STK24: variants seen among roughly 807,000 people sequenced by gnomAD.
The protein encoded by STK24 is serine/threonine-protein kinase 24.
Under a neutral mutation model 55.6 loss-of-function variants are expected in STK24, and 21 were observed. That is an observed-to-expected ratio of 0.38 (90% CI 0.27 to 0.54). The LOEUF is 0.54. STK24 is among the 20% of genes least tolerant of loss of function. STK24 has a pLI of 0.79. For missense variants in STK24, 383 were observed against 538.4 expected, an observed-to-expected ratio of 0.71 and a Z score of 2.86; for synonymous variants, 200 against 215.2, an observed-to-expected ratio of 0.93 and a Z score of 0.62.
At chr13:98,511,385 A>G (rs1895871939) in intron 2 of STK24, among the ~76,000 whole-genome samples, 1 of 152,270 alleles carries the variant, frequency 6.6e-6, no homozygotes, top group Non-Finnish European at 1.5e-5. Flanking sequence ...ATGCAAAATT[A>G]TACAGGCACT....
chr13:98,464,336 G>A (rs1201619841), intron 6 of STK24, among the ~76,000 whole-genome samples: 2 of 151,488 alleles, frequency 1.3e-5, no homozygotes, highest in African/African-American at 2.4e-5. Flanking sequence ...GGAGAATGGC[G>A]TGAACCCAGG....
At position 98,453,095 on chromosome 13, in the gene STK24, G is replaced by C; in HGVS notation, c.*78C>G. 1 of 1,557,974 alleles carries C rather than the reference G, an allele frequency of 6.4e-7. No individual in the cohort carries two copies. The highest frequency in any genetic ancestry group is 8.8e-7 in the Non-Finnish European group (1 of 1,135,786). On this transcript the variant is annotated 3_prime_UTR_variant, in exon 11 of 11. Transcript: ENST00000539966. ...CACCTCTTCGGTGGAGTCAGCGAAGGCTCTCGTTGACTTTTAAAAAAGGAG... is the reference window on the plus strand; with the variant it reads ...CACCTCTTCGGTGGAGTCAGCGAAGCCTCTCGTTGACTTTTAAAAAAGGAG...
At chr13:98,462,124 G>A (rs572188698) in intron 7 of STK24, among the ~76,000 whole-genome samples, 45 of 152,086 alleles carry the variant, frequency 3.0e-4, no homozygotes, top group African/African-American at 1.0e-3. Flanking sequence ...ACTCCCTGGC[G>A]TGCCAGTGTG....
intron 2 of STK24, among the ~76,000 whole-genome samples, chr13:98,485,948 GACAGCAGCTTTCCCCTCCTTCCC>G (rs1894789034): frequency 6.6e-6 from 1 of 152,136 alleles, no homozygotes. Context: ...CAGCCACTAA[GACAGCAGCTTTCCCCTCCTTCCC>G]ACAGAAATGG....
At chr13:98,532,764 G>A (rs1896615391) in intron 1 of STK24, among the ~76,000 whole-genome samples, 1 of 152,144 alleles carries the variant, frequency 6.6e-6, no homozygotes, top group African/African-American at 2.4e-5. Flanking sequence ...ACAGTAACAT[G>A]CTTTTCTACA....
At chr13:98,574,094 C>T (rs1289826322) in intron 1 of STK24, among the ~76,000 whole-genome samples, 1 of 152,176 alleles carries the variant, frequency 6.6e-6, no homozygotes, top group African/African-American at 2.4e-5. Flanking sequence ...TCAACGCAAC[C>T]TCCGCCTCCC....
intron 1 of STK24, among the ~76,000 whole-genome samples, chr13:98,522,982 C>T (rs558557566): frequency 2.6e-4 from 39 of 152,262 alleles, no homozygotes; most frequent in African/African-American, 8.9e-4. Context: ...CTGTCATTCC[C>T]GGGAGCAGTG....
chr13:98,559,617 A>T (rs1897365676), intron 1 of STK24, among the ~76,000 whole-genome samples: 1 of 152,194 alleles, frequency 6.6e-6, no homozygotes, highest in Non-Finnish European at 1.5e-5. Flanking sequence ...ACACTTACGT[A>T]CCATTTTTCG....
At chr13:98,562,210 A>G (rs1369451732) in intron 1 of STK24, among the ~76,000 whole-genome samples, 1 of 152,210 alleles carries the variant, frequency 6.6e-6, no homozygotes, top group Non-Finnish European at 1.5e-5. Context: ...GAAGAACTAC[A>G]TACTCAAGTA....
chr13:98,543,076 G>A (rs1342338373), intron 1 of STK24: 2 of 963,162 alleles, frequency 2.1e-6, no homozygotes, highest in Non-Finnish European at 2.5e-6. Context: ...CAAGGGAGGG[G>A]GGAGAGGCCG....
rs1255862413 is a variant in STK24 at position 98,452,875 on chromosome 13, GTTTTTA to G, written c.*292_*297del. 3.2e-6 allele frequency: 1 copy of G among 317,062 alleles called. No individual in the cohort carries two copies. The highest frequency in any genetic ancestry group is 2.2e-5 in the African/African-American group (1 of 46,480). 19.6% of individuals were successfully genotyped at this position (317,062 alleles called of 1,614,324 possible). A position where few individuals can be genotyped will look rare whatever the true frequency, so the allele number is the denominator to read the frequency against. Reference sequence around the variant, plus strand: ...AATATACATTTCAGGGTTTGTTTTTGTTTTTAAAGACACTTTCCTGGAATATGTGCA... The same window carrying G: ...AATATACATTTCAGGGTTTGTTTTTGAAGACACTTTCCTGGAATATGTGCA... On this transcript the variant is annotated 3_prime_UTR_variant, in exon 11 of 11. Coordinates refer to ENST00000539966, the MANE Select transcript of STK24 (RefSeq NM_001032296.4).
chr13:98,460,341 C>T, intron 9 of STK24, 31 bp downstream of exon 9: 1 of 1,596,220 alleles, frequency 6.3e-7, no homozygotes, highest in Non-Finnish European at 8.6e-7. Flanking sequence ...CCCCTCCCCT[C>T]CCACTCCGAA....
Position 98,576,809 on chromosome 13 carries a change from T to C in STK24, c.-23A>G, listed in dbSNP as rs1375964998. 9 of 1,332,298 alleles carry C rather than the reference T, an allele frequency of 6.8e-6. No individual in the cohort carries two copies. The highest frequency in any genetic ancestry group is 1.6e-5 in the African/African-American group (1 of 64,070). 82.5% of individuals were successfully genotyped at this position (1,332,298 alleles called of 1,614,324 possible). ...CATGGCGCTCAGGACGGCCACTTCC[T>C]GGGACGGGACGGCCGGGCCGCGACG... On this transcript the variant is annotated 5_prime_UTR_variant, in exon 1 of 11. Transcript: ENST00000539966.
chr13:98,481,993 G>C (rs1488604168), intron 3 of STK24, among the ~76,000 whole-genome samples: 1 of 151,684 alleles, frequency 6.6e-6, no homozygotes, highest in Non-Finnish European at 1.5e-5. Context: ...CTTGTACCCA[G>C]GAAGTAGAGG....
At chr13:98,572,548 G>A (rs890429889) in intron 1 of STK24, among the ~76,000 whole-genome samples, 26 of 152,294 alleles carry the variant, frequency 1.7e-4, no homozygotes, top group African/African-American at 6.3e-4. Flanking sequence ...AGAGTGCACA[G>A]GCTTCCCTAG....
In STK24 at chr13:98,451,305, GA is replaced by G. The variant is rs1339817311; in HGVS notation, c.*1867del. The G allele has an allele frequency of 4.6e-5, 7 of 152,086 alleles. No homozygotes were observed. Among genetic ancestry groups the G allele is most frequent in the African/African-American group, 1.7e-4 (7 of 41,422 alleles). 9.4% of individuals were successfully genotyped at this position (152,086 alleles called of 1,614,324 possible). A position where few individuals can be genotyped will look rare whatever the true frequency, so the allele number is the denominator to read the frequency against. ...ACTTATGCCGCCGGCCTCACGTAAG[GA>G]AACAGTTCCCCACACAGAATACTCC... On this transcript the variant is annotated 3_prime_UTR_variant, in exon 11 of 11. Coordinates refer to ENST00000539966, the MANE Select transcript of STK24 (RefSeq NM_001032296.4).
chr13:98,521,357 A>C (rs1260166866), intron 1 of STK24, among the ~76,000 whole-genome samples: 1 of 152,208 alleles, frequency 6.6e-6, no homozygotes, highest in Non-Finnish European at 1.5e-5. Flanking sequence ...CTTAGGAGGA[A>C]GCCTGGCTGT....
At chr13:98,559,447 C>T (rs972380410) in intron 1 of STK24, among the ~76,000 whole-genome samples, 6 of 152,318 alleles carry the variant, frequency 3.9e-5, no homozygotes, top group African/African-American at 1.4e-4. Context: ...TTGCCTTCCG[C>T]CATGACTGTG....
At chr13:98,466,288 AGAGT>A in intron 6 of STK24, 84 bp downstream of exon 6, 1 of 1,301,666 alleles carries the variant, frequency 7.7e-7, no homozygotes, top group Non-Finnish European at 1.0e-6. Context: ...ACAGCTGAAA[AGAGT>A]GATTAAAGCA....
Sources: gnomAD v4.1 joint callset for allele counts (sites outside exome capture counted in the v4.1 genomes callset) on GRCh38, gnomAD v4.1.1 for gene constraint, MANE v1.5 for transcripts, NCBI Gene and HGNC (gene_info 2026-07-23, HGNC 2026-07-21) for gene names.